CNTNAP2: variants seen among roughly 807,000 people sequenced by gnomAD.
The protein encoded by CNTNAP2 is contactin associated protein 2.
A neutral mutation model predicts 155.2 loss-of-function variants in CNTNAP2; 98 were observed. The ratio of observed to expected loss-of-function variants is 0.63; its 90% confidence interval spans 0.54 to 0.75. The LOEUF (loss-of-function observed/expected upper bound fraction) is 0.75, where lower values mean the gene tolerates loss of function less well. Ranked by LOEUF, CNTNAP2 falls within the 30% of genes least tolerant of loss-of-function variation. The probability of loss-of-function intolerance (pLI) is 0.00; values close to 1 mark genes in which losing one functional copy is unlikely to be tolerated. For synonymous variants in CNTNAP2, 651 were observed against 631.2 expected, an observed-to-expected ratio of 1.03 and a Z score of -0.47; for missense variants, 1,727 against 1,688.1, an observed-to-expected ratio of 1.02 and a Z score of -0.40.
intron 14 of CNTNAP2, among the ~76,000 whole-genome samples, chr7:147,914,691 A>G (rs1800129042): frequency 1.3e-5 from 2 of 152,086 alleles, no homozygotes; most frequent in African/African-American, 4.8e-5. Context: ...CTGGGACTAT[A>G]GGCACAAACC....
At chr7:146,336,466 C>T (rs748861512) in intron 1 of CNTNAP2, among the ~76,000 whole-genome samples, 21 of 151,606 alleles carry the variant, frequency 1.4e-4, no homozygotes, top group African/African-American at 4.4e-4. Context: ...AATATAACAT[C>T]GAGGCACATT....
chr7:147,571,608 G>A (rs1486321656), intron 12 of CNTNAP2, among the ~76,000 whole-genome samples: 3 of 151,986 alleles, frequency 2.0e-5, no homozygotes, highest in Admixed American at 1.3e-4. Context: ...GATATCATCG[G>A]TAACAATGAT....
intron 12 of CNTNAP2, among the ~76,000 whole-genome samples, chr7:147,627,987 T>C (rs566461234): frequency 1.3e-5 from 2 of 150,822 alleles, no homozygotes; most frequent in South Asian, 2.1e-4. Context: ...TGGGATTATG[T>C]TAAATGGCAA....
At chr7:147,779,745 G>T (rs572041451) in intron 13 of CNTNAP2, among the ~76,000 whole-genome samples, 9 of 152,256 alleles carry the variant, frequency 5.9e-5, no homozygotes, top group Middle Eastern at 3.4e-3. Flanking sequence ...TGAAAAATGT[G>T]TCTGCGAAAC....
chr7:146,248,028 TAA>T (rs751346888), intron 1 of CNTNAP2, among the ~76,000 whole-genome samples: 2 of 150,978 alleles, frequency 1.3e-5, no homozygotes, highest in Admixed American at 1.3e-4. Flanking sequence ...CACAGAGATA[TAA>T]GAGGCTGGGG....
At position 147,611,921 on chromosome 7, in the gene CNTNAP2, G is replaced by A. The variant is rs546744521; in HGVS notation, c.1898-27185G>A. On this transcript the variant is annotated intron_variant, in intron 12 of 23. Transcript: ENST00000361727. Reference sequence around the variant, plus strand: ...TTCTCATATATTGCATATTTGGGGTGAAAAAAGACAATGACAGCCAATTTT... The same window carrying A: ...TTCTCATATATTGCATATTTGGGGTAAAAAAAGACAATGACAGCCAATTTT... Among the ~76,000 whole-genome samples the A allele has an allele frequency of 6.0e-3, 913 of 152,170 alleles. 9 individuals are homozygous for A. The highest frequency in any genetic ancestry group is 0.021 in the African/African-American group (879 of 41,504).
intron 9 of CNTNAP2, among the ~76,000 whole-genome samples, chr7:147,360,660 T>C (rs1796133663): frequency 6.6e-6 from 1 of 152,094 alleles, no homozygotes; most frequent in South Asian, 2.1e-4. Context: ...CTCTGTACCC[T>C]CTGTAGATGT....
rs78976733 is a variant in CNTNAP2 at position 147,352,948 on chromosome 7, A to T, written c.1499-42661A>T. On this transcript the variant is annotated intron_variant, in intron 9 of 23. Coordinates refer to ENST00000361727, the MANE Select transcript of CNTNAP2 (RefSeq NM_014141.6). ...ACTAAGTAAAGTTAGTAAAGTAAACAGTCTTTACTAAGTAAAGACTGGGTT... is the reference window on the plus strand; with the variant it reads ...ACTAAGTAAAGTTAGTAAAGTAAACTGTCTTTACTAAGTAAAGACTGGGTT... 8.7e-3 allele frequency among the ~76,000 whole-genome samples: 1,317 copies of T among 151,928 alleles called. 22 individuals are homozygous for T. Among genetic ancestry groups the T allele is most frequent in the African/African-American group, 0.03 (1,264 of 41,446 alleles).
At chr7:146,682,085 C>T (rs1186795423) in intron 1 of CNTNAP2, among the ~76,000 whole-genome samples, 2 of 152,012 alleles carry the variant, frequency 1.3e-5, no homozygotes, top group Non-Finnish European at 2.9e-5. Context: ...CACTGTAGAA[C>T]AAGACAGCAA....
intron 10 of CNTNAP2, among the ~76,000 whole-genome samples, chr7:147,407,484 A>G (rs1193954505): frequency 5.6e-5 from 8 of 143,284 alleles, no homozygotes; most frequent in African/African-American, 1.9e-4. Flanking sequence ...AAAAAAAAAA[A>G]AAAAAAAAAA....
chr7:147,457,877 G>A (rs1037020649), intron 10 of CNTNAP2, among the ~76,000 whole-genome samples: 3 of 152,028 alleles, frequency 2.0e-5, no homozygotes, highest in Non-Finnish European at 2.9e-5. Context: ...AATTCTTGAA[G>A]TTGACCAGTT....
At chr7:147,762,860 C>T (rs1184224918) in intron 13 of CNTNAP2, among the ~76,000 whole-genome samples, 2 of 151,810 alleles carry the variant, frequency 1.3e-5, no homozygotes, top group African/African-American at 4.8e-5. Context: ...TAGTCTGAAC[C>T]TTTCTACTAA....
chr7:146,954,400 A>T (rs1174852890), intron 3 of CNTNAP2, among the ~76,000 whole-genome samples: 2 of 151,946 alleles, frequency 1.3e-5, no homozygotes, highest in Non-Finnish European at 1.5e-5. Context: ...AGATGAAAAA[A>T]GTCTGTGCAT....
chr7:147,673,570 GA>G (rs1284879816), intron 13 of CNTNAP2, among the ~76,000 whole-genome samples: 1 of 152,164 alleles, frequency 6.6e-6, no homozygotes, highest in Non-Finnish European at 1.5e-5. Context: ...ACCCCATTGA[GA>G]AAGTACTGTT....
At chr7:147,552,571 AAC>A (rs34755315) in intron 11 of CNTNAP2, among the ~76,000 whole-genome samples, 7,870 of 142,530 alleles carry the variant, frequency 0.055, 278 homozygotes, top group African/African-American at 0.1. Context: ...TACTTTCCTC[AAC>A]ACACACACAC....
At chr7:146,322,193 A>G (rs1035868125) in intron 1 of CNTNAP2, among the ~76,000 whole-genome samples, 1 of 152,166 alleles carries the variant, frequency 6.6e-6, no homozygotes, top group African/African-American at 2.4e-5. Flanking sequence ...ATCTAGTGAC[A>G]TGCATGTTAG....
intron 3 of CNTNAP2, among the ~76,000 whole-genome samples, chr7:147,042,355 G>T (rs1455041243): frequency 2.0e-5 from 3 of 152,124 alleles, no homozygotes; most frequent in Non-Finnish European, 4.4e-5. Flanking sequence ...ACATAAAATT[G>T]TTTCAATGCG....
At chr7:146,584,811 T>C (rs1379042835) in intron 1 of CNTNAP2, among the ~76,000 whole-genome samples, 2 of 152,206 alleles carry the variant, frequency 1.3e-5, no homozygotes, top group Non-Finnish European at 2.9e-5. Context: ...GCAAAGGTTA[T>C]GGGATTATCC....
chr7:147,998,165 G>A (rs2116890143), intron 15 of CNTNAP2, among the ~76,000 whole-genome samples: 1 of 130,468 alleles, frequency 7.7e-6, no homozygotes, highest in East Asian at 2.5e-4. Context: ...AGGCTGGAGT[G>A]CAGTGGCACA....
Sources: allele counts gnomAD v4.1 joint callset (sites outside exome capture counted in the v4.1 genomes callset), GRCh38; gene constraint gnomAD v4.1.1; transcripts MANE v1.5; gene names NCBI Gene and HGNC (gene_info 2026-07-23, HGNC 2026-07-21).